The following RNF19A variants were observed in gnomAD, a reference collection of about 807,000 sequenced individuals.
RNF19A encodes ring finger protein 19A, RBR E3 ubiquitin protein ligase, also known as E3 ubiquitin-protein ligase RNF19A.
A neutral mutation model predicts 75.7 loss-of-function variants in RNF19A; 32 were observed. The observed-to-expected ratio is 0.42, with a 90% confidence interval of 0.32 to 0.57. RNF19A has a LOEUF of 0.57. Among genes scored for constraint, RNF19A ranks in the 20% least tolerant of loss-of-function variants. RNF19A has a pLI of 0.10. For synonymous variants in RNF19A, 335 were observed against 345.2 expected, an observed-to-expected ratio of 0.97 and a Z score of 0.33; for missense variants, 782 against 1,036.3, an observed-to-expected ratio of 0.75 and a Z score of 3.37.
chr8:100,302,993 A>G (rs948397679), intron 1 of RNF19A, among the ~76,000 whole-genome samples: 3 of 152,248 alleles, frequency 2.0e-5, no homozygotes, highest in Non-Finnish European at 4.4e-5. Flanking sequence ...TTAGAATTCT[A>G]ACGAAAGAGC....
chr8:100,270,020 G>A lies in RNF19A; in HGVS notation c.884-7C>T, dbSNP rs760422781. 2 of 1,559,918 alleles carry A rather than the reference G, an allele frequency of 1.3e-6. No individual in the cohort carries two copies. The highest frequency in any genetic ancestry group is 2.5e-5 in the South Asian group (2 of 81,226). On this transcript the variant is annotated splice_polypyrimidine_tract_variant and splice_region_variant and intron_variant, in intron 3 of 9. Transcript: ENST00000341084. ...CATGGCTTTATATCATCAGCTATTG[G>A]GAACACAGAGAAATCTATTAAGTAC...
At chr8:100,304,409 A>T (rs1821978844) in intron 1 of RNF19A, among the ~76,000 whole-genome samples, 1 of 152,220 alleles carries the variant, frequency 6.6e-6, no homozygotes, top group South Asian at 2.1e-4. Flanking sequence ...TACTATATAC[A>T]TCATATACCC....
chr8:100,279,896 C>G (rs1820704320), intron 2 of RNF19A, among the ~76,000 whole-genome samples: 1 of 152,124 alleles, frequency 6.6e-6, no homozygotes, highest in Admixed American at 6.5e-5. Context: ...AACTCCTGGC[C>G]TCATCTGCCC....
intron 3 of RNF19A, among the ~76,000 whole-genome samples, chr8:100,271,200 A>C (rs1820238549): frequency 6.6e-6 from 1 of 151,146 alleles, no homozygotes; most frequent in African/African-American, 2.4e-5. Flanking sequence ...GCTCACAATT[A>C]GTATTTGCTT....
At chr8:100,334,562 T>G (rs1277897752) in intron 1 of RNF19A, among the ~76,000 whole-genome samples, 10 of 152,196 alleles carry the variant, frequency 6.6e-5, no homozygotes. Flanking sequence ...CTTTAAAAAA[T>G]ATGGCTGCTC....
intron 1 of RNF19A, among the ~76,000 whole-genome samples, chr8:100,303,890 T>C (rs931298117): frequency 7.2e-5 from 11 of 151,938 alleles, no homozygotes; most frequent in Admixed American, 2.6e-4. Flanking sequence ...TAAGCCAAGA[T>C]TGCGTCACTG....
rs1822590871 is a variant in RNF19A, at chr8:100,330,090, C to T, written c.-243+6018G>A. Among the ~76,000 whole-genome samples, 1 of 152,046 alleles carries T rather than the reference C, an allele frequency of 6.6e-6. No homozygotes were observed. Among genetic ancestry groups the T allele is most frequent in the South Asian group, 2.1e-4 (1 of 4,822 alleles). ...AGGGCTGCCAGGATCCTTCTTGGCTCTTAGAGTTCATAATTATTCTCTACC... is the reference window on the plus strand; with the variant it reads ...AGGGCTGCCAGGATCCTTCTTGGCTTTTAGAGTTCATAATTATTCTCTACC... On this transcript the variant is annotated intron_variant, in intron 1 of 3. Coordinates refer to the RNF19A transcript ENST00000519527. The surrounding 1 kb of genome is among the most constrained non-coding windows in gnomAD (Gnocchi z 4.1).
chr8:100,321,393 C>T (rs890024943), intron 1 of RNF19A, among the ~76,000 whole-genome samples: 33 of 152,336 alleles, frequency 2.2e-4, no homozygotes, highest in African/African-American at 7.9e-4. Flanking sequence ...CAACTACTCA[C>T]CTGTTCAAGT....
At chr8:100,267,622 A>T (rs1032405517) in intron 5 of RNF19A, among the ~76,000 whole-genome samples, 2 of 151,444 alleles carry the variant, frequency 1.3e-5, no homozygotes, top group African/African-American at 4.9e-5. Flanking sequence ...CTTCTGCCTC[A>T]GCCTCCCAAA....
intron 1 of RNF19A, chr8:100,309,293 C>G: frequency 2.0e-6 from 2 of 985,172 alleles, no homozygotes; most frequent in Non-Finnish European, 1.2e-6. Flanking sequence ...CAGTCCCGGA[C>G]TAACCTTCCT....
intron 1 of RNF19A, among the ~76,000 whole-genome samples, chr8:100,319,667 T>C (rs1419360935): frequency 2.0e-5 from 3 of 151,650 alleles, no homozygotes; most frequent in Non-Finnish European, 4.4e-5. Context: ...GTAGCTGGGA[T>C]TACAGGCACA....
At chr8:100,289,765 T>C (rs1272401436) in intron 1 of RNF19A, among the ~76,000 whole-genome samples, 1 of 152,192 alleles carries the variant, frequency 6.6e-6, no homozygotes, top group Non-Finnish European at 1.5e-5. Flanking sequence ...GATGCCCTAT[T>C]ACCCAACAAT....
chr8:100,313,018 C>A (rs1822323983), upstream of RNF19A, among the ~76,000 whole-genome samples: 1 of 152,242 alleles, frequency 6.6e-6, no homozygotes, highest in African/African-American at 2.4e-5. Context: ...CTGCCAGGGC[C>A]TCATCATTTC....
intron 1 of RNF19A, among the ~76,000 whole-genome samples, chr8:100,291,919 G>A (rs1027398522): frequency 6.8e-5 from 10 of 148,030 alleles, no homozygotes; most frequent in Non-Finnish European, 1.3e-4. Flanking sequence ...AATAAAAACA[G>A]CATGTGACAA....
chr8:100,289,894 A>G (rs755758616), intron 1 of RNF19A, among the ~76,000 whole-genome samples: 1 of 152,202 alleles, frequency 6.6e-6, no homozygotes, highest in Non-Finnish European at 1.5e-5. Flanking sequence ...ACAACCCATA[A>G]TTTTATCAAC....
At chr8:100,276,425 G>A (rs889432329) in intron 2 of RNF19A, among the ~76,000 whole-genome samples, 1 of 151,966 alleles carries the variant, frequency 6.6e-6, no homozygotes. Flanking sequence ...ACTGGGGAGG[G>A]GAAAGAGTGG....
At chr8:100,265,445 G>A (rs1336507963) in intron 5 of RNF19A, among the ~76,000 whole-genome samples, 1 of 151,398 alleles carries the variant, frequency 6.6e-6, no homozygotes, top group Non-Finnish European at 1.5e-5. Flanking sequence ...TACAGGACAG[G>A]TGTTAATAAG....
At chr8:100,312,697 G>A (rs1408749205), upstream of RNF19A, among the ~76,000 whole-genome samples, 3 of 152,140 alleles carry the variant, frequency 2.0e-5, no homozygotes, top group Non-Finnish European at 4.4e-5. Flanking sequence ...GCTTAGGTGA[G>A]TGGATCACTT....
In RNF19A at chr8:100,330,197, ACTTTTT is replaced by A. The variant is rs1360010925; in HGVS notation, c.-243+5905_-243+5910del. Among the ~76,000 whole-genome samples, 3 of 152,272 alleles carry A rather than the reference ACTTTTT, an allele frequency of 2.0e-5. No individual in the cohort carries two copies. Among genetic ancestry groups the A allele is most frequent in the Admixed American group, 6.5e-5 (1 of 15,286 alleles). ...CTCCCCAACCTTCTCTAGCATCTTA[ACTTTTT>A]CTCTCTCCAAAGCCTCTTTCTAATT... On this transcript the variant is annotated intron_variant, in intron 1 of 3. Coordinates refer to the RNF19A transcript ENST00000519527. The surrounding 1 kb of genome is among the most constrained non-coding windows in gnomAD (Gnocchi z 4.1).
Sources: allele counts gnomAD v4.1 joint callset (sites outside exome capture counted in the v4.1 genomes callset), GRCh38; gene constraint gnomAD v4.1.1; non-coding constraint Gnocchi (gnomAD v3.1); transcripts MANE v1.5; gene names NCBI Gene and HGNC (gene_info 2026-07-23, HGNC 2026-07-21).